TF: variants seen among roughly 807,000 people sequenced by gnomAD.
TF encodes the protein transferrin.
TF carries 55 observed loss-of-function variants against 82.4 expected under a neutral mutation model. The ratio of observed to expected loss-of-function variants is 0.67; its 90% CI spans 0.54 to 0.84. The LOEUF is 0.84. TF is among the 40% of genes least tolerant of loss of function. The probability of loss-of-function intolerance (pLI) is 0.00; values close to 1 mark genes in which losing one functional copy is unlikely to be tolerated. For missense variants in TF, 737 were observed against 868.4 expected, an observed-to-expected ratio of 0.85 and a Z score of 1.90; for synonymous variants, 332 against 332.6, an observed-to-expected ratio of 1.00 and a Z score of 0.02.
rs765541177 is a variant in TF at position 133,756,837 on chromosome 3, T to C, written c.698T>C (p.Leu233Ser). ...CTGGGCTTTCCCTCCCCAGAGAACT[T>C]GGCAAACAAGGCTGACAGGGACCAG... is the stretch of plus-strand genomic sequence containing the variant. ...FVKHSTIFENLANKADRDQYE... is the reference protein window; with the variant it reads ...FVKHSTIFENSANKADRDQYE... The change falls in exon 7 of 17, where the codon TTG becomes TCG. Residue 233 changes from leucine (L) to serine (S), a missense_variant. Physicochemically the swap from Leu to Ser is moderately radical, Grantham distance 145. Coordinates refer to ENST00000402696, the MANE Select transcript of TF (RefSeq NM_001063.4). The C allele has an allele frequency of 6.2e-7, 1 of 1,614,172 alleles. No homozygotes were observed. The highest frequency in any genetic ancestry group is 1.7e-5 in the Admixed American group (1 of 60,018).
intron 3 of TF, chr3:133,754,011 C>T: frequency 2.0e-6 from 1 of 501,926 alleles, no homozygotes; most frequent in South Asian, 2.1e-5. Flanking sequence ...TGTCTAGGGT[C>T]CCTGGAGGCC....
the TF span, among the ~76,000 whole-genome samples, chr3:133,687,335 A>G: frequency 6.6e-6 from 1 of 151,450 alleles, no homozygotes; most frequent in South Asian, 2.1e-4. Context: ...CCTACAACTT[A>G]AAGTATAATT....
intron 11 of TF, 121 bp from the exon 12 acceptor site, chr3:133,766,157 C>A: frequency 1.0e-6 from 1 of 963,646 alleles, no homozygotes; most frequent in Non-Finnish European, 1.7e-6. Flanking sequence ...CTGGGAAGAT[C>A]CTCTCAAGAC....
chr3:133,666,997 C>T, the TF span, among the ~76,000 whole-genome samples: 1 of 151,640 alleles, frequency 6.6e-6, no homozygotes, highest in East Asian at 1.9e-4. Flanking sequence ...GATCGTGCCA[C>T]TGCACTCCAA....
the TF span, chr3:133,710,215 T>C: frequency 6.6e-6 from 1 of 152,536 alleles, no homozygotes; most frequent in Non-Finnish European, 1.5e-5. Flanking sequence ...ATTTCAGCTA[T>C]GCTCATGCCA....
At chr3:133,725,775 A>G in the TF span, among the ~76,000 whole-genome samples, 10 of 152,028 alleles carry the variant, frequency 6.6e-5, no homozygotes, top group Non-Finnish European at 1.0e-4. Context: ...CCCATTCAGT[A>G]TGATATTGGC....
chr3:133,665,169 T>A, the TF span: 5 of 151,982 alleles, frequency 3.3e-5, no homozygotes, highest in Non-Finnish European at 5.9e-5. Context: ...CAAACTTTTT[T>A]AAAAAAGAAG....
At chr3:133,747,921 T>G (rs1278658996) in intron 1 of TF, among the ~76,000 whole-genome samples, 1 of 150,240 alleles carries the variant, frequency 6.7e-6, no homozygotes, top group East Asian at 2.0e-4. Context: ...ACAAGCAGGG[T>G]GACCTTGGGT....
intron 12 of TF, 147 bp from the exon 13 acceptor site, chr3:133,767,882 C>T (rs890424698): frequency 2.5e-4 from 237 of 961,914 alleles, no homozygotes; most frequent in Admixed American, 1.3e-3. Flanking sequence ...AGCCTATAGC[C>T]TGGCAAGTCC....
intron 2 of TF, 41 bp from the exon 3 acceptor site, chr3:133,753,554 G>A: frequency 6.3e-7 from 1 of 1,576,348 alleles, no homozygotes; most frequent in Non-Finnish European, 8.7e-7. Context: ...GCCTTCCTTG[G>A]AAGTCAAGGC....
intron 2 of TF, among the ~76,000 whole-genome samples, chr3:133,751,264 G>C (rs1179577669): frequency 4.1e-5 from 5 of 121,252 alleles, no homozygotes; most frequent in African/African-American, 1.6e-4. Context: ...ACGGAGTTTC[G>C]CTCTGTCGCC....
chr3:133,728,092 T>C, the TF span, among the ~76,000 whole-genome samples: 1 of 152,266 alleles, frequency 6.6e-6, no homozygotes, highest in Non-Finnish European at 1.5e-5. Context: ...TTAACATTTT[T>C]CCTTCATTTC....
In TF at chr3:133,768,054, C is replaced by T. The variant is rs1425792444; in HGVS notation, c.1512C>T (p.Ala504=). The T allele has an allele frequency of 1.1e-5, 17 of 1,613,978 alleles. No homozygotes were observed. The highest frequency in any genetic ancestry group is 1.4e-5 in the Non-Finnish European group (17 of 1,180,020). The change falls in exon 13 of 17, where the codon GCC becomes GCT. Residue 504 remains alanine, a synonymous_variant. Transcript: ENST00000402696. ...ATGAATTTTTCAGTGAAGGTTGTGC[C>T]CCTGGGTCTAAGAAAGACTCCAGTC... ...RFDEFFSEGC[A]PGSKKDSSLC...
chr3:133,665,718 G>A, the TF span, among the ~76,000 whole-genome samples: 1 of 151,884 alleles, frequency 6.6e-6, no homozygotes, highest in African/African-American at 2.4e-5. Context: ...GCCGAGGTGG[G>A]CAGATCATCT....
chr3:133,682,437 T>C, the TF span, among the ~76,000 whole-genome samples: 5 of 152,108 alleles, frequency 3.3e-5, no homozygotes, highest in African/African-American at 1.2e-4. Flanking sequence ...TTCAAACCCA[T>C]TGCAAAGAAG....
chr3:133,719,201 C>G, the TF span, among the ~76,000 whole-genome samples: 8 of 152,124 alleles, frequency 5.3e-5, no homozygotes, highest in African/African-American at 1.9e-4. Flanking sequence ...AAAATTCCTG[C>G]AAAATCACCT....
the TF span, among the ~76,000 whole-genome samples, chr3:133,689,966 A>C: frequency 3.3e-5 from 5 of 152,300 alleles, no homozygotes; most frequent in South Asian, 8.3e-4. Flanking sequence ...TAATAAGGCA[A>C]ACTTGCCAAA....
chr3:133,701,038 C>G, the TF span: 8 of 152,554 alleles, frequency 5.2e-5, no homozygotes, highest in African/African-American at 1.9e-4. Context: ...TTCCGCGACT[C>G]AGGATCCAAA....
intron 1 of TF, chr3:133,748,148 A>C: frequency 1.9e-6 from 1 of 528,716 alleles, no homozygotes; most frequent in East Asian, 3.5e-5. Flanking sequence ...GCAGATTGTC[A>C]TCTCCAGCTG....
Sources: allele counts gnomAD v4.1 joint callset (sites outside exome capture counted in the v4.1 genomes callset), GRCh38; gene constraint gnomAD v4.1.1; transcripts MANE v1.5; gene names NCBI Gene and HGNC (gene_info 2026-07-23, HGNC 2026-07-21).